LRRC28: variants seen among roughly 807,000 people sequenced by gnomAD.
LRRC28 encodes leucine-rich repeat-containing protein 28.
In LRRC28, 39 loss-of-function variants were observed where a neutral mutation model predicts 45.7. That is an observed-to-expected ratio of 0.85 (90% CI 0.66 to 1.12). LRRC28 has a LOEUF of 1.12. Among genes scored for constraint, LRRC28 ranks in the 50% most tolerant of loss-of-function variants. The probability of loss-of-function intolerance (pLI) is 0.00; values close to 1 mark genes in which losing one functional copy is unlikely to be tolerated. For missense variants in LRRC28, 435 were observed against 438.5 expected (o/e 0.99, Z 0.07); for synonymous variants, 206 against 178.8 (o/e 1.15, Z -1.22).
chr15:99,340,679 A>G (rs1829563541), intron 6 of LRRC28, among the ~76,000 whole-genome samples: 1 of 152,232 alleles, frequency 6.6e-6, no homozygotes, highest in Middle Eastern at 3.2e-3. Flanking sequence ...AAAGAACTTC[A>G]TTCTAGTATG....
rs1323365359 is a variant in LRRC28, at chr15:99,287,940, T to C, written c.374T>C (p.Phe125Ser). 3 of 1,613,262 alleles carry C rather than the reference T, an allele frequency of 1.9e-6. No homozygotes were observed. In the Admixed American group the frequency reaches 5.0e-5, roughly 27 times the overall value. Reference protein sequence around the residue: ...HLRLANNQLQFLPPEVGDLKE... With the variant: ...HLRLANNQLQSLPPEVGDLKE... ...CGATTAGCTAATAACCAACTGCAAT[T>C]CCTACCTCCAGGTAATCATAGTCTC... The change falls in exon 5 of 10, where the codon TTC becomes TCC. Residue 125 changes from phenylalanine (F) to serine (S), a missense_variant. Phe to Ser is a radical substitution (Grantham distance 155). Transcript: ENST00000301981.
chr15:99,378,917 T>C (rs1957728611), intron 9 of LRRC28, among the ~76,000 whole-genome samples: 1 of 152,208 alleles, frequency 6.6e-6, no homozygotes, highest in African/African-American at 2.4e-5. Context: ...ATAAGCTTCT[T>C]GATGTGCTGC....
chr15:99,350,788 CT>C (rs1468721628), intron 6 of LRRC28, among the ~76,000 whole-genome samples: 2 of 152,212 alleles, frequency 1.3e-5, no homozygotes, highest in African/African-American at 4.8e-5. Context: ...TATGTTCTTT[CT>C]TTTTTCTCTC....
chr15:99,369,142 A>G (rs1957415181), intron 9 of LRRC28, among the ~76,000 whole-genome samples: 1 of 152,180 alleles, frequency 6.6e-6, no homozygotes, highest in Non-Finnish European at 1.5e-5. Context: ...TATTTCTAGC[A>G]ACATTCTGTT....
chr15:99,295,041 G>T (rs2082228005), intron 5 of LRRC28, among the ~76,000 whole-genome samples: 1 of 152,212 alleles, frequency 6.6e-6, no homozygotes, highest in Non-Finnish European at 1.5e-5. Context: ...GTAGTTCTGG[G>T]TCACCTGTCC....
chr15:99,349,223 A>G (rs1041477183), intron 6 of LRRC28, among the ~76,000 whole-genome samples: 3 of 152,102 alleles, frequency 2.0e-5, no homozygotes, highest in East Asian at 3.8e-4. Context: ...TTTCAGCTCA[A>G]TTAACACCAC....
At chr15:99,259,008 T>A in intron 2 of LRRC28, 1 of 784,652 alleles carries the variant, frequency 1.3e-6, no homozygotes. Context: ...AAGAAACTTG[T>A]TCATAAAACT....
chr15:99,274,169 A>T (rs77550924), intron 2 of LRRC28, among the ~76,000 whole-genome samples: 2,959 of 152,332 alleles, frequency 0.019, 40 homozygotes, highest in Middle Eastern at 0.048. Context: ...GTCAAGAGTG[A>T]GTATTCAAAA....
chr15:99,343,939 G>A (rs553521416), intron 6 of LRRC28, among the ~76,000 whole-genome samples: 33 of 152,216 alleles, frequency 2.2e-4, no homozygotes, highest in South Asian at 1.9e-3. Context: ...TTCTGGCCAG[G>A]TTCACGCTCT....
intron 9 of LRRC28, among the ~76,000 whole-genome samples, chr15:99,366,247 C>T (rs1272469457): frequency 1.3e-5 from 2 of 152,126 alleles, no homozygotes; most frequent in Non-Finnish European, 2.9e-5. Context: ...TGTTCCAGGC[C>T]TCCATGGCTT....
intron 2 of LRRC28, among the ~76,000 whole-genome samples, chr15:99,272,326 AGGGGTGAGGTCT>A (rs983309852): frequency 6.6e-6 from 1 of 152,172 alleles, no homozygotes; most frequent in Non-Finnish European, 1.5e-5. Context: ...TCACTGTGGA[AGGGGTGAGGTCT>A]TTTGCACTCA....
intron 6 of LRRC28, among the ~76,000 whole-genome samples, chr15:99,340,889 T>C (rs967279587): frequency 6.6e-6 from 1 of 152,016 alleles, no homozygotes; most frequent in Non-Finnish European, 1.5e-5. Context: ...TGGGAAGAAA[T>C]GAGAGAATTA....
intron 5 of LRRC28, among the ~76,000 whole-genome samples, chr15:99,295,046 C>G (rs185934741): frequency 1.3e-5 from 2 of 152,342 alleles, no homozygotes; most frequent in Non-Finnish European, 2.9e-5. Flanking sequence ...TCTGGGTCAC[C>G]TGTCCATTGC....
chr15:99,262,950 A>G (rs2081237996), intron 2 of LRRC28, among the ~76,000 whole-genome samples: 1 of 152,004 alleles, frequency 6.6e-6, no homozygotes, highest in Non-Finnish European at 1.5e-5. Context: ...CCTGGCCAGA[A>G]CTTTCTTTTT....
chr15:99,304,476 G>C (rs962826971), intron 5 of LRRC28, among the ~76,000 whole-genome samples: 3 of 151,250 alleles, frequency 2.0e-5, no homozygotes, highest in Non-Finnish European at 4.4e-5. Flanking sequence ...TGTCACCCAG[G>C]CTGGGGTGCA....
chr15:99,385,569 G>A (rs763205873), intron 9 of LRRC28, among the ~76,000 whole-genome samples: 12 of 152,306 alleles, frequency 7.9e-5, no homozygotes, highest in East Asian at 1.9e-4. Context: ...ATGTGTATGC[G>A]TACATTTGTA....
rs1396970219 is a variant in LRRC28 at position 99,319,970 on chromosome 15, T to C, written c.386-13953T>C. 2.0e-5 allele frequency among the ~76,000 whole-genome samples: 3 copies of C among 151,744 alleles called. No individual in the cohort carries two copies. The East Asian group carries it at 5.8e-4, about 29-fold the overall frequency. On this transcript the variant is annotated intron_variant, in intron 5 of 9. Coordinates refer to ENST00000301981, the MANE Select transcript of LRRC28 (RefSeq NM_144598.5). ...GGTGGCCGCCACCACGCCCAGCTAA[T>C]TTTTTTTGTACTTTTTAGTAGAGAT...
intron 1 of LRRC28, among the ~76,000 whole-genome samples, chr15:99,255,464 CTA>C (rs2080989406): frequency 6.6e-6 from 1 of 151,860 alleles, no homozygotes; most frequent in Non-Finnish European, 1.5e-5. Flanking sequence ...TATTAGTGCT[CTA>C]GATATAAATA....
At chr15:99,383,227 T>C (rs1395441985) in intron 9 of LRRC28, among the ~76,000 whole-genome samples, 2 of 152,192 alleles carry the variant, frequency 1.3e-5, no homozygotes, top group Admixed American at 6.5e-5. Flanking sequence ...TTGGAGCCAA[T>C]TGCATCTGTG....
Sources: allele counts gnomAD v4.1 joint callset (sites outside exome capture counted in the v4.1 genomes callset), GRCh38; gene constraint gnomAD v4.1.1; transcripts MANE v1.5; gene names NCBI Gene and HGNC (gene_info 2026-07-23, HGNC 2026-07-21).